DCC: variants seen among roughly 807,000 people sequenced by gnomAD.
DCC encodes netrin receptor DCC.
Under a neutral mutation model 172.5 loss-of-function variants are expected in DCC, and 58 were observed. The observed-to-expected ratio is 0.34, with a 90% CI of 0.27 to 0.42. The LOEUF (loss-of-function observed/expected upper bound fraction) is 0.42, where lower values mean the gene tolerates loss of function less well. DCC is among the 10% of genes least tolerant of loss of function. The pLI is 1.00. For synonymous variants in DCC, 709 were observed against 644.5 expected (o/e 1.10, Z -1.52); for missense variants, 1,740 against 1,791.0 (o/e 0.97, Z 0.51).
At position 52,459,483 on chromosome 18, in the gene DCC, T is replaced by TCTTTC. The variant is rs199657825; in HGVS notation, c.91+118605_91+118606insCTTTC. 7.9e-5 allele frequency among the ~76,000 whole-genome samples: 12 copies of TCTTTC among 152,190 alleles called. No homozygotes were observed. The South Asian group carries it at 1.5e-3, about 18-fold the overall frequency. ...TTCTTTCTTTCTTTCTTTCTTTCTT[T>TCTTTC]TTGAAACAGAGTCTCACTCTGTCGC... On this transcript the variant is annotated intron_variant, in intron 1 of 28. Transcript: ENST00000442544.
At chr18:53,288,211 A>G (rs2056958714) in intron 12 of DCC, among the ~76,000 whole-genome samples, 2 of 152,174 alleles carry the variant, frequency 1.3e-5, no homozygotes, top group South Asian at 2.1e-4. Flanking sequence ...CTAGTCTGAC[A>G]TATTCTTGAT....
At chr18:53,438,983 G>A (rs1172286844) in intron 22 of DCC, among the ~76,000 whole-genome samples, 1 of 152,158 alleles carries the variant, frequency 6.6e-6, no homozygotes, top group East Asian at 1.9e-4. Context: ...ACTTAATGAT[G>A]TTTTAGGGAT....
chr18:52,950,379 C>A (rs2040618245), intron 5 of DCC, among the ~76,000 whole-genome samples: 2 of 152,206 alleles, frequency 1.3e-5, no homozygotes, highest in Non-Finnish European at 2.9e-5. Context: ...TGTAATAAAT[C>A]AACTCTTTAA....
intron 1 of DCC, among the ~76,000 whole-genome samples, chr18:52,596,029 C>G (rs1348291232): frequency 6.6e-6 from 1 of 152,168 alleles, no homozygotes; most frequent in Admixed American, 6.5e-5. Flanking sequence ...AAGGTTACAA[C>G]CTGTACAGAC....
intron 1 of DCC, among the ~76,000 whole-genome samples, chr18:52,505,856 G>T (rs2031212552): frequency 6.6e-6 from 1 of 152,100 alleles, no homozygotes; most frequent in East Asian, 1.9e-4. Flanking sequence ...TTTTTTCAAA[G>T]AAATTCTGAA....
At chr18:52,665,427 C>T (rs533714730) in intron 1 of DCC, among the ~76,000 whole-genome samples, 1 of 152,284 alleles carries the variant, frequency 6.6e-6, no homozygotes, top group Non-Finnish European at 1.5e-5. Context: ...AGTTTAATTA[C>T]ATATCATTAA....
intron 1 of DCC, among the ~76,000 whole-genome samples, chr18:52,701,845 A>T (rs1323185159): frequency 6.6e-6 from 1 of 152,136 alleles, no homozygotes; most frequent in Non-Finnish European, 1.5e-5. Context: ...TTAATCCACC[A>T]TGTTGGCTTC....
chr18:53,217,351 ACTCTT>A (rs944036539), intron 12 of DCC, among the ~76,000 whole-genome samples: 2 of 150,518 alleles, frequency 1.3e-5, no homozygotes, highest in Non-Finnish European at 3.0e-5. Flanking sequence ...CACAGCTTCT[ACTCTT>A]CTCTAATTTG....
intron 19 of DCC, among the ~76,000 whole-genome samples, chr18:53,407,157 G>T (rs1272116535): frequency 6.6e-6 from 1 of 152,020 alleles, no homozygotes; most frequent in Non-Finnish European, 1.5e-5. Context: ...AGGAGACTCG[G>T]GAATCAGTGC....
At chr18:53,296,027 A>G (rs2057063154) in intron 12 of DCC, among the ~76,000 whole-genome samples, 1 of 152,212 alleles carries the variant, frequency 6.6e-6, no homozygotes, top group Admixed American at 6.5e-5. Context: ...AAGTTTCTCA[A>G]TAAGTATTCA....
intron 14 of DCC, among the ~76,000 whole-genome samples, chr18:53,327,521 G>C (rs557079609): frequency 6.6e-6 from 1 of 152,090 alleles, no homozygotes; most frequent in Non-Finnish European, 1.5e-5. Context: ...ATTTAAAATC[G>C]ACTCTCTACC....
At chr18:53,071,242 A>T (rs1056740222) in intron 7 of DCC, among the ~76,000 whole-genome samples, 6 of 152,210 alleles carry the variant, frequency 3.9e-5, no homozygotes, top group Non-Finnish European at 4.4e-5. Flanking sequence ...GCAGTTAGTG[A>T]CTTAGGAAAT....
Position 53,241,202 on chromosome 18 carries a change from G to C in DCC, c.1911+25605G>C, listed in dbSNP as rs139145169. ...AAGGTGGGGCTTGAGAAGGTGGCTT[G>C]GTATCTTAAATTTGTGACTGTCAAG... On this transcript the variant is annotated intron_variant, in intron 12 of 28. Transcript: ENST00000442544. 5.8e-4 allele frequency among the ~76,000 whole-genome samples: 89 copies of C among 152,180 alleles called. 1 individual carries two copies. Among genetic ancestry groups the C allele is most frequent in the African/African-American group, 2.1e-3 (87 of 41,550 alleles).
chr18:52,884,231 A>C (rs1004477546), intron 2 of DCC, among the ~76,000 whole-genome samples: 1 of 151,932 alleles, frequency 6.6e-6, no homozygotes, highest in African/African-American at 2.4e-5. Flanking sequence ...TTGAATATTG[A>C]TATATTTATC....
chr18:52,632,447 C>A (rs569938535), intron 1 of DCC, among the ~76,000 whole-genome samples: 1 of 152,302 alleles, frequency 6.6e-6, no homozygotes, highest in Non-Finnish European at 1.5e-5. Flanking sequence ...TAATAAAGCA[C>A]CAGAGAGAAT....
chr18:52,588,562 G>T (rs1219106693), intron 1 of DCC, among the ~76,000 whole-genome samples: 1 of 152,162 alleles, frequency 6.6e-6, no homozygotes, highest in Non-Finnish European at 1.5e-5. Flanking sequence ...TTACATGAAT[G>T]AACACATAAT....
intron 12 of DCC, among the ~76,000 whole-genome samples, chr18:53,302,397 T>G (rs2057152200): frequency 6.6e-6 from 1 of 152,210 alleles, no homozygotes; most frequent in African/African-American, 2.4e-5. Context: ...CTATTCTGAC[T>G]TCGAATACTG....
intron 1 of DCC, among the ~76,000 whole-genome samples, chr18:52,445,034 A>G (rs28468419): frequency 4.5e-4 from 69 of 152,234 alleles, no homozygotes; most frequent in African/African-American, 1.5e-3. Context: ...CTTTTTTAAC[A>G]GTCTAGTGGG....
chr18:53,356,904 G>T (rs1599060146), intron 15 of DCC, among the ~76,000 whole-genome samples: 1 of 152,162 alleles, frequency 6.6e-6, no homozygotes, highest in East Asian at 1.9e-4. Context: ...TTGCAGCCTG[G>T]AAACTTTCCA....
Sources: allele counts gnomAD v4.1 joint callset (sites outside exome capture counted in the v4.1 genomes callset), GRCh38; gene constraint gnomAD v4.1.1; transcripts MANE v1.5; gene names NCBI Gene and HGNC (gene_info 2026-07-23, HGNC 2026-07-21).